Variants in TRDN observed in about 807,000 individuals in gnomAD.
The protein encoded by TRDN is triadin, also known as triadin in skeletal muscle.
Under a neutral mutation model 149.7 loss-of-function variants are expected in TRDN, and 161 were observed. The ratio of observed to expected loss-of-function variants is 1.08; its 90% CI spans 0.95 to 1.23. The LOEUF is 1.23. TRDN is among the 50% of genes most tolerant of loss of function. The probability of loss-of-function intolerance (pLI) is 0.00; values close to 1 mark genes in which losing one functional copy is unlikely to be tolerated. For synonymous variants in TRDN, 294 were observed against 250.5 expected (o/e 1.17, Z -1.64); for missense variants, 896 against 823.5 (o/e 1.09, Z -1.08).
chr6:123,455,424 G>C (rs987416061), intron 10 of TRDN, among the ~76,000 whole-genome samples: 1 of 149,388 alleles, frequency 6.7e-6, no homozygotes, highest in African/African-American at 2.4e-5. Context: ...GTGTGTGTGT[G>C]TGTGTGTGTG....
At chr6:123,260,701 A>T in intron 33 of TRDN, 63 bp from the exon 34 acceptor site, 2 of 1,301,462 alleles carry the variant, frequency 1.5e-6, no homozygotes, top group Non-Finnish European at 2.1e-6. Context: ...GAAAAAGTAT[A>T]GTTTTTTATT....
intron 8 of TRDN, chr6:123,498,415 G>A (rs1308794928): frequency 2.9e-6 from 1 of 347,236 alleles, no homozygotes; most frequent in African/African-American, 2.1e-5. Flanking sequence ...AGTTATTGAA[G>A]AAGATATAAA....
intron 31 of TRDN, among the ~76,000 whole-genome samples, chr6:123,268,962 T>C (rs918310765): frequency 3.9e-5 from 6 of 151,998 alleles, no homozygotes; most frequent in Non-Finnish European, 8.8e-5. Flanking sequence ...TTGTGCTATA[T>C]AGCCTAAACC....
At chr6:123,305,758 A>T (rs1562254153) in intron 24 of TRDN, among the ~76,000 whole-genome samples, 1 of 152,166 alleles carries the variant, frequency 6.6e-6, no homozygotes, top group Non-Finnish European at 1.5e-5. Flanking sequence ...TTCAGTCAGT[A>T]GCTTCTGTTG....
At chr6:123,271,283 T>G in intron 29 of TRDN, 97 bp from the exon 30 acceptor site, 1 of 805,894 alleles carries the variant, frequency 1.2e-6, no homozygotes, top group African/African-American at 1.8e-5. Context: ...ATAGTGCCAA[T>G]GCCAAGAAAA....
At chr6:123,541,157 C>A (rs1172844213) in intron 4 of TRDN, among the ~76,000 whole-genome samples, 1 of 152,092 alleles carries the variant, frequency 6.6e-6, no homozygotes, top group Non-Finnish European at 1.5e-5. Context: ...AATATAACAC[C>A]AATGAAATTA....
chr6:123,245,904 A>G (rs1239669923), intron 38 of TRDN, among the ~76,000 whole-genome samples: 1 of 152,226 alleles, frequency 6.6e-6, no homozygotes, highest in African/African-American at 2.4e-5. Flanking sequence ...ATCACAGTGC[A>G]ATCAAATTAT....
intron 24 of TRDN, among the ~76,000 whole-genome samples, chr6:123,300,711 C>A (rs1057431008): frequency 2.0e-5 from 3 of 151,898 alleles, no homozygotes; most frequent in African/African-American, 7.2e-5. Context: ...GTTTTGTAAG[C>A]TAAATGGCCA....
At chr6:123,600,543 G>T (rs1784233471) in intron 1 of TRDN, among the ~76,000 whole-genome samples, 1 of 152,032 alleles carries the variant, frequency 6.6e-6, no homozygotes, top group Admixed American at 6.6e-5. Flanking sequence ...AAAAGGGCAG[G>T]AAGCTTTATT....
Position 123,435,870 on chromosome 6 carries a change from A to T in TRDN, c.1051+2193T>A, listed in dbSNP as rs1039050691. Among the ~76,000 whole-genome samples the T allele has an allele frequency of 2.6e-5, 4 of 152,028 alleles. No homozygotes were observed. In the East Asian group the frequency reaches 7.8e-4, roughly 29 times the overall value. On this transcript the variant is annotated intron_variant, in intron 12 of 40. Coordinates refer to ENST00000334268, the MANE Select transcript of TRDN (RefSeq NM_006073.4). ...TGGTGCACAACCTCACTTTGACATG[A>T]CTGCTGGGCTAATAACACAGGTCTC...
At chr6:123,484,821 T>C (rs1407717514) in intron 9 of TRDN, among the ~76,000 whole-genome samples, 1 of 152,214 alleles carries the variant, frequency 6.6e-6, no homozygotes, top group Non-Finnish European at 1.5e-5. Flanking sequence ...TGTTTTCTTT[T>C]CTGGACATAG....
chr6:123,443,222 T>C (rs1775039074), intron 10 of TRDN, among the ~76,000 whole-genome samples: 1 of 148,892 alleles, frequency 6.7e-6, no homozygotes, highest in Admixed American at 6.7e-5. Context: ...ATATAATATA[T>C]ATATACATAT....
intron 1 of TRDN, among the ~76,000 whole-genome samples, chr6:123,599,626 A>G (rs1424578934): frequency 2.0e-5 from 3 of 151,874 alleles, no homozygotes; most frequent in African/African-American, 4.8e-5. Context: ...ATGTCCTGAA[A>G]GATTTCTGTA....
chr6:123,466,029 T>C (rs772431624), intron 9 of TRDN, among the ~76,000 whole-genome samples: 2 of 152,220 alleles, frequency 1.3e-5, no homozygotes, highest in Non-Finnish European at 2.9e-5. Context: ...GTTCATCATA[T>C]ATGGTTCTTG....
intron 30 of TRDN, among the ~76,000 whole-genome samples, chr6:123,270,344 C>A (rs748118399): frequency 1.3e-5 from 2 of 151,912 alleles, no homozygotes; most frequent in African/African-American, 4.8e-5. Context: ...ATAATTGGAT[C>A]TCTCCTGAAT....
At chr6:123,345,470 T>C (rs1437908367) in intron 21 of TRDN, among the ~76,000 whole-genome samples, 1 of 152,040 alleles carries the variant, frequency 6.6e-6, no homozygotes, top group Admixed American at 6.6e-5. Context: ...ATTTTTACAG[T>C]AAGTTGTGAA....
At chr6:123,465,024 T>G in intron 9 of TRDN, 41 bp from the exon 10 acceptor site, 1 of 1,536,976 alleles carries the variant, frequency 6.5e-7, no homozygotes, top group Non-Finnish European at 8.8e-7. Flanking sequence ...AAAAAAGTAT[T>G]AACAAATCTA....
At chr6:123,498,746 T>C (rs952819999) in intron 8 of TRDN, 10 of 384,402 alleles carry the variant, frequency 2.6e-5, no homozygotes, top group Middle Eastern at 4.0e-4. Context: ...GCAATTTGAC[T>C]CTAAGACAAA....
chr6:123,486,034 T>A (rs1008969742), intron 9 of TRDN, among the ~76,000 whole-genome samples: 1 of 152,026 alleles, frequency 6.6e-6, no homozygotes, highest in African/African-American at 2.4e-5. Context: ...AGAAGCTCCA[T>A]TTTTCCAGAC....
Sources: gnomAD v4.1 joint callset for allele counts (sites outside exome capture counted in the v4.1 genomes callset) on GRCh38, gnomAD v4.1.1 for gene constraint, MANE v1.5 for transcripts, NCBI Gene and HGNC (gene_info 2026-07-23, HGNC 2026-07-21) for gene names.